The following EPHB2 variants were observed in gnomAD, a reference collection of about 807,000 sequenced individuals.
EPHB2 encodes EPH receptor B2, also known as ephrin type-B receptor 2.
A neutral mutation model predicts 96.4 loss-of-function variants in EPHB2; 18 were observed. The observed-to-expected ratio is 0.19, with a 90% CI of 0.13 to 0.28. The LOEUF is 0.28. Among genes scored for constraint, EPHB2 ranks in the 10% least tolerant of loss-of-function variants. The pLI is 1.00. For missense variants in EPHB2, 989 were observed against 1,355.4 expected (o/e 0.73, Z 4.25); for synonymous variants, 506 against 534.1 (o/e 0.95, Z 0.72).
In EPHB2 at chr1:22,858,630, G is replaced by T. The variant is rs779423131; in HGVS notation, c.812-4407G>T. ...GTGACATGCAGGTGCCAGCAGGACA[G>T]GTTCCCTTCCCACCCAGAAGTTGGG... On this transcript the variant is annotated intron_variant, in intron 3 of 15. Coordinates refer to ENST00000374630, the MANE Select transcript of EPHB2 (RefSeq NM_017449.5). The surrounding 1 kb of genome is among the most constrained non-coding windows in gnomAD (Gnocchi z 7.7). Among the ~76,000 whole-genome samples the T allele has an allele frequency of 1.3e-5, 2 of 152,198 alleles. No individual in the cohort carries two copies. The highest frequency in any genetic ancestry group is 2.9e-5 in the Non-Finnish European group (2 of 68,042).
At chr1:22,863,718 G>A (rs952161261) in intron 4 of EPHB2, among the ~76,000 whole-genome samples, 4 of 152,214 alleles carry the variant, frequency 2.6e-5, no homozygotes, top group African/African-American at 9.7e-5. Context: ...AGACAGTCCT[G>A]GGACAGTATG....
intron 3 of EPHB2, among the ~76,000 whole-genome samples, chr1:22,859,535 T>C (rs562771239): frequency 6.6e-6 from 1 of 152,234 alleles, no homozygotes; most frequent in East Asian, 1.9e-4. Context: ...GTGGCTCATG[T>C]CTGTAATCCC....
At position 22,841,095 on chromosome 1, in the gene EPHB2, A is replaced by G. The variant is rs1023833891; in HGVS notation, c.812-21942A>G. 2.8e-5 allele frequency among the ~76,000 whole-genome samples: 4 copies of G among 142,628 alleles called. No homozygotes were observed. In the Admixed American group the frequency reaches 2.9e-4, roughly 10 times the overall value. The allele number at this position is 142,628 out of a possible 152,430, so 93.6% of individuals were successfully genotyped here. A position where few individuals can be genotyped will look rare whatever the true frequency, so the allele number is the denominator to read the frequency against. On this transcript the variant is annotated intron_variant, in intron 3 of 15. Coordinates refer to ENST00000374630, the MANE Select transcript of EPHB2 (RefSeq NM_017449.5). ...CCCACCACATAGCAGGTTCTCAATC[A>G]GTATCTGTGGAATGAATGAATGAAT...
chr1:22,773,863 C>T (rs1371760131), intron 1 of EPHB2, among the ~76,000 whole-genome samples: 2 of 152,240 alleles, frequency 1.3e-5, no homozygotes, highest in African/African-American at 4.8e-5. Flanking sequence ...TGGTGCGAGG[C>T]AGACCCGGCT....
At chr1:22,738,770 C>A (rs1362651205) in intron 1 of EPHB2, among the ~76,000 whole-genome samples, 2 of 152,158 alleles carry the variant, frequency 1.3e-5, no homozygotes, top group African/African-American at 4.8e-5. Context: ...GCTGCAGAAA[C>A]TTCTAGGGGA....
rs1174606491 is a variant in EPHB2 at position 22,915,471 on chromosome 1, C to T, written c.*1901C>T. On this transcript the variant is annotated 3_prime_UTR_variant, in exon 16 of 16. Transcript: ENST00000374630. Reference sequence around the variant, plus strand: ...CAGGGCAGAGAAAACACATGGAGAACGACAGCTCCACGTGGCCTTTCTGGC... The same window carrying T: ...CAGGGCAGAGAAAACACATGGAGAATGACAGCTCCACGTGGCCTTTCTGGC... The T allele has an allele frequency of 6.6e-6, 1 of 152,180 alleles. No individual in the cohort carries two copies. Among genetic ancestry groups the T allele is most frequent in the African/African-American group, 2.4e-5 (1 of 41,430 alleles). The allele number at this position is 152,180 out of a possible 1,614,324, so 9.4% of individuals were successfully genotyped here. A position where few individuals can be genotyped will look rare whatever the true frequency, so the allele number is the denominator to read the frequency against.
chr1:22,870,873 T>A lies in EPHB2; in HGVS notation c.1303+5661T>A, dbSNP rs145906190. On this transcript the variant is annotated intron_variant, in intron 5 of 15. Transcript: ENST00000374630. ...GACAAGTCACTCAGCTCATGTCTGA[T>A]TGCATCTTCCTCATGGATAGCTTCG... 3.3e-5 allele frequency among the ~76,000 whole-genome samples: 5 copies of A among 152,312 alleles called. No individual in the cohort carries two copies. The East Asian group carries it at 9.7e-4, about 29-fold the overall frequency.
At chr1:22,864,283 T>C (rs532065144) in intron 4 of EPHB2, among the ~76,000 whole-genome samples, 3 of 152,142 alleles carry the variant, frequency 2.0e-5, no homozygotes, top group African/African-American at 7.2e-5. Flanking sequence ...TGACCTCAGG[T>C]GATCCGCCTG....
rs147770070 is a variant in EPHB2, at chr1:22,850,590, C to T, written c.812-12447C>T. 2.6e-3 allele frequency among the ~76,000 whole-genome samples: 392 copies of T among 152,368 alleles called. 4 individuals carry two copies. Among genetic ancestry groups the T allele is most frequent in the African/African-American group, 9.1e-3 (377 of 41,590 alleles). On this transcript the variant is annotated intron_variant, in intron 3 of 15. Coordinates refer to ENST00000374630, the MANE Select transcript of EPHB2 (RefSeq NM_017449.5). ...GGCACATCGTGATTATTGTTTAACA[C>T]TCGCTATTCCTGCATCTGTGAGTCC... is the stretch of plus-strand genomic sequence containing the variant.
Position 22,906,045 on chromosome 1 carries a change from A to T in EPHB2, c.1824A>T (p.Ala608=), listed in dbSNP as rs762194524. ...DPFTYEDPNE[A]VREFAKEIDI... ...TCACCTACGAGGACCCCAACGAGGC[A>T]GTGCGGGAGTTTGCCAAGGAAATTG... Residue 608 remains alanine (A), a synonymous_variant, in exon 10 of 16, where the codon GCA becomes GCT. Transcript: ENST00000374630. This position sits in a 1 kb window ranked among gnomAD's most constrained non-coding sequence, Gnocchi z 4.8. The T allele has an allele frequency of 2.5e-6, 4 of 1,614,254 alleles. No individual in the cohort carries two copies. Among genetic ancestry groups the T allele is most frequent in the Non-Finnish European group, 1.7e-6 (2 of 1,180,042 alleles).
intron 5 of EPHB2, among the ~76,000 whole-genome samples, chr1:22,868,960 G>T (rs1450924657): frequency 2.0e-5 from 3 of 152,120 alleles, no homozygotes; most frequent in Non-Finnish European, 4.4e-5. Context: ...AACCCCAGCC[G>T]CAGACCCTGG....
At chr1:22,720,854 A>G (rs1643447496) in intron 1 of EPHB2, among the ~76,000 whole-genome samples, 1 of 152,150 alleles carries the variant, frequency 6.6e-6, no homozygotes. Context: ...TAGATATTCA[A>G]GACCTAGTAT....
chr1:22,716,874 C>T (rs1389326865), intron 1 of EPHB2, among the ~76,000 whole-genome samples: 1 of 152,190 alleles, frequency 6.6e-6, no homozygotes, highest in Non-Finnish European at 1.5e-5. Flanking sequence ...CACGGTGGGC[C>T]TCCTGACGGG....
chr1:22,847,125 A>G (rs1361278295), intron 3 of EPHB2, among the ~76,000 whole-genome samples: 7 of 152,212 alleles, frequency 4.6e-5, no homozygotes, highest in Non-Finnish European at 1.5e-5. Flanking sequence ...GAATATCAAT[A>G]GTACTCATGG....
At chr1:22,745,299 G>A (rs983947561) in intron 1 of EPHB2, among the ~76,000 whole-genome samples, 16 of 152,178 alleles carry the variant, frequency 1.1e-4, no homozygotes, top group African/African-American at 3.6e-4. Flanking sequence ...CAGCATCATG[G>A]ATAAATCTCA....
chr1:22,779,932 G>A (rs1276301119), intron 1 of EPHB2, among the ~76,000 whole-genome samples: 1 of 152,184 alleles, frequency 6.6e-6, no homozygotes, highest in Non-Finnish European at 1.5e-5. Flanking sequence ...ACTGAGCAAG[G>A]TGGTGTCACT....
chr1:22,859,565 C>T (rs541540101), intron 3 of EPHB2, among the ~76,000 whole-genome samples: 1 of 152,228 alleles, frequency 6.6e-6, no homozygotes, highest in Admixed American at 6.5e-5. Context: ...GGAGCCAAGG[C>T]GGGTGGATCA....
chr1:22,785,711 CTG>C (rs1413724474), intron 3 of EPHB2, among the ~76,000 whole-genome samples: 1 of 152,238 alleles, frequency 6.6e-6, no homozygotes. Context: ...GCCATAACCT[CTG>C]TGCACATTTC....
At chr1:22,722,608 T>C (rs1379816568) in intron 1 of EPHB2, among the ~76,000 whole-genome samples, 2 of 152,150 alleles carry the variant, frequency 1.3e-5, no homozygotes, top group Non-Finnish European at 2.9e-5. Flanking sequence ...TCCAGAACAA[T>C]CCAGGAACGT....
Sources: allele counts gnomAD v4.1 joint callset (sites outside exome capture counted in the v4.1 genomes callset), GRCh38; gene constraint gnomAD v4.1.1; non-coding constraint Gnocchi (gnomAD v3.1); transcripts MANE v1.5; gene names NCBI Gene and HGNC (gene_info 2026-07-23, HGNC 2026-07-21).